The following CDC20B variants were observed in gnomAD, a reference collection of about 807,000 sequenced individuals.
CDC20B encodes cell division cycle 20B, also known as cell division cycle protein 20 homolog B.
Under a neutral mutation model 64.1 loss-of-function variants are expected in CDC20B, and 58 were observed. The ratio of observed to expected loss-of-function variants is 0.90; its 90% CI spans 0.73 to 1.13. CDC20B has a LOEUF of 1.13. Among genes scored for constraint, CDC20B ranks in the 50% most tolerant of loss-of-function variants. CDC20B has a pLI of 0.00. For synonymous variants in CDC20B, 243 were observed against 230.6 expected (o/e 1.05, Z -0.49); for missense variants, 597 against 633.0 (o/e 0.94, Z 0.61).
At chr5:55,147,039 G>T (rs114213312) in intron 2 of CDC20B, among the ~76,000 whole-genome samples, 183 bp from the exon 3 acceptor site, 20,232 of 146,004 alleles carry the variant, frequency 0.14, 1,638 homozygotes, top group South Asian at 0.26. Context: ...TTTGTATATA[G>T]TTATACGTAA....
At chr5:55,160,945 A>T (rs756750217) in intron 2 of CDC20B, 5 of 1,567,830 alleles carry the variant, frequency 3.2e-6, no homozygotes, top group African/African-American at 2.8e-5. Flanking sequence ...AGAATTTTTT[A>T]AAATCTTTTG....
chr5:55,160,525 G>A (rs1743991637), intron 2 of CDC20B: 1 of 645,470 alleles, frequency 1.5e-6, no homozygotes, highest in Non-Finnish European at 2.7e-6. Context: ...AATGGTATTA[G>A]TACATCACTT....
chr5:55,119,054 A>G (rs1742691834), intron 11 of CDC20B, among the ~76,000 whole-genome samples: 1 of 152,214 alleles, frequency 6.6e-6, no homozygotes, highest in African/African-American at 2.4e-5. Context: ...TAAATAAATA[A>G]TCAATAAGTA....
intron 11 of CDC20B, 57 bp downstream of exon 11, chr5:55,119,744 C>T: frequency 1.9e-6 from 2 of 1,069,444 alleles, no homozygotes; most frequent in South Asian, 2.6e-5. Context: ...GCTTTTCCCC[C>T]CAACAACAGC....
intron 11 of CDC20B, among the ~76,000 whole-genome samples, chr5:55,115,871 T>C (rs1031144027): frequency 2.0e-5 from 3 of 152,148 alleles, no homozygotes; most frequent in African/African-American, 4.8e-5. Flanking sequence ...TCCACGTGCA[T>C]GCGCAAGCAC....
chr5:55,161,876 G>C (rs1285897864), intron 2 of CDC20B, among the ~76,000 whole-genome samples: 1 of 152,122 alleles, frequency 6.6e-6, no homozygotes, highest in East Asian at 1.9e-4. Context: ...AGACAGCATA[G>C]GCTTTGGCCT....
In CDC20B at chr5:55,117,493, T is replaced by G. The variant is rs150980687; in HGVS notation, c.1459+2308A>C. Among the ~76,000 whole-genome samples, 1,170 of 152,306 alleles carry G rather than the reference T, an allele frequency of 7.7e-3. 10 individuals are homozygous for G. Among genetic ancestry groups the G allele is most frequent in the African/African-American group, 0.027 (1,127 of 41,560 alleles). On this transcript the variant is annotated intron_variant, in intron 11 of 11. Coordinates refer to ENST00000381375, the MANE Select transcript of CDC20B (RefSeq NM_001170402.1). ...TATACTATTCTATTTCACTTTTTAT[T>G]GCTGATCTTGACTCACTACATTCAT...
At chr5:55,129,255 A>G (rs753077122) in intron 6 of CDC20B, among the ~76,000 whole-genome samples, 68 of 152,336 alleles carry the variant, frequency 4.5e-4, no homozygotes, top group South Asian at 1.4e-3. Context: ...AACCCCTACA[A>G]TACATTCCGT....
At chr5:55,169,266 T>G (rs1744512253) in intron 2 of CDC20B, among the ~76,000 whole-genome samples, 1 of 152,252 alleles carries the variant, frequency 6.6e-6, no homozygotes, top group Admixed American at 6.5e-5. Flanking sequence ...GATATCTATT[T>G]AACCCATGTT....
At position 55,157,712 on chromosome 5, in the gene CDC20B, A is replaced by G. The variant is rs2111921035; in HGVS notation, c.127-10856T>C. 1.3e-5 allele frequency among the ~76,000 whole-genome samples: 2 copies of G among 152,320 alleles called. 1 individual carries two copies. The highest frequency in any genetic ancestry group is 6.8e-3 in the Middle Eastern group (2 of 294). On this transcript the variant is annotated intron_variant, in intron 2 of 11. Coordinates refer to ENST00000381375, the MANE Select transcript of CDC20B (RefSeq NM_001170402.1). ...AATTTTGGCATTTTCAAATCCATTCATCTCTGGATCACTTGATAAGAGTTT... is the reference window on the plus strand; with the variant it reads ...AATTTTGGCATTTTCAAATCCATTCGTCTCTGGATCACTTGATAAGAGTTT...
chr5:55,154,727 A>G (rs909718518), intron 2 of CDC20B, among the ~76,000 whole-genome samples: 3 of 152,236 alleles, frequency 2.0e-5, no homozygotes, highest in Non-Finnish European at 4.4e-5. Context: ...CACTAGGGAC[A>G]TATGGTTCAT....
intron 3 of CDC20B, among the ~76,000 whole-genome samples, chr5:55,143,994 GAAAA>G: frequency 7.3e-6 from 1 of 136,998 alleles, no homozygotes; most frequent in African/African-American, 2.7e-5. Context: ...TCTCTGTATG[GAAAA>G]AAAAAAAAAA....
At chr5:55,162,167 A>G (rs1744108575) in intron 2 of CDC20B, among the ~76,000 whole-genome samples, 1 of 151,080 alleles carries the variant, frequency 6.6e-6, no homozygotes, top group African/African-American at 2.4e-5. Flanking sequence ...AGGCCGAGGC[A>G]GGCAGATCAC....
In CDC20B at chr5:55,122,227, A is replaced by T. The variant is rs183572107; in HGVS notation, c.1216-1677T>A. Among the ~76,000 whole-genome samples the T allele has an allele frequency of 2.1e-3, 314 of 151,968 alleles. 1 individual carries two copies. Among genetic ancestry groups the T allele is most frequent in the African/African-American group, 6.6e-3 (275 of 41,462 alleles). On this transcript the variant is annotated intron_variant, in intron 9 of 11. Coordinates refer to ENST00000381375, the MANE Select transcript of CDC20B (RefSeq NM_001170402.1). ...ACCTACTTTATTTGGACTAAAGATG[A>T]CTGTTACTTCTATGAACTAAATTAA...
chr5:55,124,837 G>A lies in CDC20B; in HGVS notation c.1181C>T (p.Pro394Leu), dbSNP rs377125378. ...HDPGASAQGQ[P>L]LKVITQSTAV... ...CGTAGACTGGGTTATGACTTTCAGC[G>A]GTTGGCCCTGTGCACTGGCACCTGG... Residue 394 changes from proline (P) to leucine (L), a missense_variant, in exon 9 of 12, where the codon CCG becomes CTG. By Grantham distance (98) the Pro-to-Leu change is moderately conservative. Around this residue, in one of 3 missense-constraint regions of CDC20B, gnomAD observed 353 missense variants for 397.0 expected, o/e 0.89. Coordinates refer to ENST00000381375, the MANE Select transcript of CDC20B (RefSeq NM_001170402.1). 111 of 1,613,992 alleles carry A rather than the reference G, an allele frequency of 6.9e-5. No individual in the cohort carries two copies. Among genetic ancestry groups the A allele is most frequent in the Non-Finnish European group, 8.5e-5 (100 of 1,180,008 alleles).
At chr5:55,145,912 T>C (rs1451028844) in intron 3 of CDC20B, among the ~76,000 whole-genome samples, 1 of 152,098 alleles carries the variant, frequency 6.6e-6, no homozygotes, top group Admixed American at 6.6e-5. Context: ...TACTAACGCA[T>C]AATTTTTTCT....
chr5:55,173,089 T>G lies in CDC20B; in HGVS notation c.-89A>C, dbSNP rs1277076486. 1 of 1,210,648 alleles carries G rather than the reference T, an allele frequency of 8.3e-7. No homozygotes were observed. Among genetic ancestry groups the G allele is most frequent in the Non-Finnish European group, 1.2e-6 (1 of 840,130 alleles). 75.0% of individuals were successfully genotyped at this position (1,210,648 alleles called of 1,614,324 possible). A position where few individuals can be genotyped will look rare whatever the true frequency, so the allele number is the denominator to read the frequency against. On this transcript the variant is annotated 5_prime_UTR_variant, in exon 1 of 12. Coordinates refer to ENST00000381375, the MANE Select transcript of CDC20B (RefSeq NM_001170402.1). ...CCAGGTCTAAGTCAGTCTTGACGCCTAATCGTCAAACCCCTGGAGTCCCGT... is the reference window on the plus strand; with the variant it reads ...CCAGGTCTAAGTCAGTCTTGACGCCGAATCGTCAAACCCCTGGAGTCCCGT...
chr5:55,160,176 C>T (rs529944433), intron 2 of CDC20B: 1 of 1,603,984 alleles, frequency 6.2e-7, no homozygotes, highest in Non-Finnish European at 8.5e-7. Flanking sequence ...TGAGACTTCC[C>T]TCTAGAATCC....
At chr5:55,119,403 G>A (rs1455875985) in intron 11 of CDC20B, among the ~76,000 whole-genome samples, 2 of 152,202 alleles carry the variant, frequency 1.3e-5, no homozygotes, top group African/African-American at 4.8e-5. Context: ...GATGTTCACA[G>A]AGGAAGCTCA....
Sources: allele counts gnomAD v4.1 joint callset (sites outside exome capture counted in the v4.1 genomes callset), GRCh38; gene constraint gnomAD v4.1.1; regional missense constraint gnomAD v4.1.1; transcripts MANE v1.5; gene names NCBI Gene and HGNC (gene_info 2026-07-23, HGNC 2026-07-21).